RNF213: variants seen among roughly 807,000 people sequenced by gnomAD.
The protein encoded by RNF213 is ring finger protein 213.
A neutral mutation model predicts 514.4 loss-of-function variants in RNF213; 341 were observed. The observed-to-expected ratio is 0.66, with a 90% CI of 0.61 to 0.73. RNF213 has a LOEUF of 0.73. Among genes scored for constraint, RNF213 ranks in the 30% least tolerant of loss-of-function variants. The probability of loss-of-function intolerance (pLI) is 0.00; values close to 1 mark genes in which losing one functional copy is unlikely to be tolerated. For missense variants in RNF213, 5,767 were observed against 6,615.6 expected (o/e 0.87, Z 4.45); for synonymous variants, 2,655 against 2,658.2 (o/e 1.00, Z 0.04).
At position 80,339,904 on chromosome 17, in the gene RNF213, C is replaced by T. The variant is rs1217747130; in HGVS notation, c.5537C>T (p.Ala1846Val). Residue 1846 changes from alanine (A) to valine (V), a missense_variant, in exon 26 of 68, where the codon GCT becomes GTT. Physicochemically the swap from Ala to Val is moderately conservative, Grantham distance 64 (BLOSUM62 0). Around this residue, in one of 13 missense-constraint regions of RNF213, gnomAD observed 1,377 missense variants for 1,635.2 expected, o/e 0.84. Transcript: ENST00000582970. Reference sequence around the variant, plus strand: ...TCCGAGGTGTTGCCAGCCGCCCTGGCTGTCTACATGCAAACCCCAAGCCAG... The same window carrying T: ...TCCGAGGTGTTGCCAGCCGCCCTGGTTGTCTACATGCAAACCCCAAGCCAG... ...GHSEVLPAAL[A>V]VYMQTPSQPL... is the part of the protein sequence containing the mutation. The T allele has an allele frequency of 6.5e-7, 1 of 1,536,990 alleles. No individual in the cohort carries two copies. Among genetic ancestry groups the T allele is most frequent in the East Asian group, 2.4e-5 (1 of 40,904 alleles).
intron 8 of RNF213, among the ~76,000 whole-genome samples, chr17:80,293,200 G>A (rs937602473): frequency 6.6e-6 from 1 of 151,956 alleles, no homozygotes. Flanking sequence ...TGGGCCTACA[G>A]GCGTGTGTCA....
Position 80,353,623 on chromosome 17 carries a change from C to T in RNF213, c.10535C>T (p.Ser3512Phe), listed in dbSNP as rs1324718209. 1.8e-5 allele frequency: 29 copies of T among 1,614,176 alleles called. No homozygotes were observed. The highest frequency in any genetic ancestry group is 2.5e-5 in the Non-Finnish European group (29 of 1,180,028). ...GAGGAGGCCATGGAAACAGAAAGTT[C>T]TGAGAAGGTGGGAAAGGAAACCTCT... ...VAEEAMETESSEKVGKETSEL... is the reference protein window; with the variant it reads ...VAEEAMETESFEKVGKETSEL... The change falls in exon 34 of 68, where the codon TCT (serine) becomes TTT (phenylalanine). Residue 3512 changes from serine to phenylalanine, a missense_variant. Physicochemically the swap from Ser to Phe is radical, Grantham distance 155 (BLOSUM62 -2). Around this residue, in one of 13 missense-constraint regions of RNF213, gnomAD observed 919 missense variants for 1,121.0 expected, o/e 0.82. Transcript: ENST00000582970. This position sits in a 1 kb window ranked among gnomAD's most constrained non-coding sequence, Gnocchi z 5.0.
At chr17:80,279,044 C>A in intron 3 of RNF213, 1 of 1,194,210 alleles carries the variant, frequency 8.4e-7, no homozygotes, top group Admixed American at 2.2e-5. Context: ...TGGGCGTTTT[C>A]GGGTCACCCT....
chr17:80,308,467 CCCTCCTAAGCCT>C, intron 13 of RNF213, among the ~76,000 whole-genome samples: 1 of 151,760 alleles, frequency 6.6e-6, no homozygotes, highest in East Asian at 1.9e-4. Flanking sequence ...CCTTCTGAGT[CCCTCCTAAGCCT>C]CCTCCTAAGT....
chr17:80,363,185 G>T lies in RNF213; in HGVS notation c.11439G>T (p.Trp3813Cys). 2 of 1,614,204 alleles carry T rather than the reference G, an allele frequency of 1.2e-6. No individual in the cohort carries two copies. The highest frequency in any genetic ancestry group is 1.7e-6 in the Non-Finnish European group (2 of 1,180,032). Reference sequence around the variant, plus strand: ...CCGAGGAAGAGGTTTCCTTACCGTGGGTGCACCTTGCCTACCAGCGTTTCA... The same window carrying T: ...CCGAGGAAGAGGTTTCCTTACCGTGTGTGCACCTTGCCTACCAGCGTTTCA... ...EAPEEEVSLP[W>C]VHLAYQRFRS... The change falls in exon 40 of 68, where the codon TGG becomes TGT. Residue 3813 changes from tryptophan (W) to cysteine (C), a missense_variant. This residue lies in a region of RNF213 where 355 missense variants were observed against 358.0 expected (regional missense o/e 0.99). Coordinates refer to ENST00000582970, the MANE Select transcript of RNF213 (RefSeq NM_001256071.3).
intron 63 of RNF213, among the ~76,000 whole-genome samples, chr17:80,387,104 C>T (rs2080268550): frequency 6.6e-6 from 1 of 152,246 alleles, no homozygotes; most frequent in African/African-American, 2.4e-5. Context: ...CCATCTGCAC[C>T]TCAGTCCCCC....
chr17:80,334,406 A>G (rs2077924667), intron 22 of RNF213, 136 bp downstream of exon 22: 1 of 919,760 alleles, frequency 1.1e-6, no homozygotes, highest in East Asian at 2.6e-5. Flanking sequence ...CGTTGCCTGC[A>G]TGCTTTAGGG....
chr17:80,281,504 CACACACACCCCA>C (rs2044283882), intron 3 of RNF213, among the ~76,000 whole-genome samples: 1 of 144,662 alleles, frequency 6.9e-6, no homozygotes, highest in African/African-American at 2.6e-5. Context: ...ACCCCACTCA[CACACACACCCCA>C]ACACACACAT....
intron 3 of RNF213, among the ~76,000 whole-genome samples, chr17:80,281,525 ATG>A (rs1322512243): frequency 2.9e-4 from 23 of 78,920 alleles, no homozygotes; most frequent in East Asian, 9.3e-4. Context: ...CAACACACAC[ATG>A]CCCCACTCAT....
rs373341808 is a variant in RNF213 at position 80,272,892 on chromosome 17, G to T, written c.98-349G>T. Among the ~76,000 whole-genome samples, 42 of 152,272 alleles carry T rather than the reference G, an allele frequency of 2.8e-4. 3 individuals are homozygous for T. The highest frequency in any genetic ancestry group is 9.4e-4 in the African/African-American group (39 of 41,550). On this transcript the variant is annotated intron_variant, in intron 2 of 67. Coordinates refer to ENST00000582970, the MANE Select transcript of RNF213 (RefSeq NM_001256071.3). ...AGACAGGAGGAATGTCTACAGTAGGGGAGGAAAGCGTAACAGGCTCTGTTT... is the reference window on the plus strand; with the variant it reads ...AGACAGGAGGAATGTCTACAGTAGGTGAGGAAAGCGTAACAGGCTCTGTTT...
At chr17:80,352,894 C>T (rs774702371) in intron 32 of RNF213, 46 bp from the exon 33 acceptor site, 3 of 1,613,354 alleles carry the variant, frequency 1.9e-6, no homozygotes, top group Admixed American at 3.3e-5. Context: ...TGAGCAGCAG[C>T]CGGGAAAGAC....
chr17:80,306,371 T>C lies in RNF213; in HGVS notation c.2330T>C (p.Phe777Ser), dbSNP rs745504131. Residue 777 changes from phenylalanine to serine, a missense_variant, in exon 12 of 68, where the codon TTC (phenylalanine) becomes TCC (serine). Phe to Ser is a radical substitution (Grantham distance 155). Around this residue, in one of 13 missense-constraint regions of RNF213, gnomAD observed 592 missense variants for 673.9 expected, o/e 0.88. Transcript: ENST00000582970. ...LSHLVMYMEN[F>S]IEHLGRFPAH... ...CACCTGGTTATGTATATGGAAAACT[T>C]CATTGAGCACCTGGGTCGTTTTCCT... 7 of 1,614,152 alleles carry C rather than the reference T, an allele frequency of 4.3e-6. No homozygotes were observed. The Admixed American group carries it at 1.2e-4, about 27-fold the overall frequency.
At chr17:80,361,926 G>A (rs752530621) in intron 39 of RNF213, 38 bp downstream of exon 39, 4 of 1,597,390 alleles carry the variant, frequency 2.5e-6, no homozygotes, top group Non-Finnish European at 3.4e-6. Context: ...CAGGTGTAGA[G>A]CTTGCATGAT....
intron 17 of RNF213, chr17:80,320,128 A>C: frequency 1.8e-6 from 1 of 563,790 alleles, no homozygotes; most frequent in Non-Finnish European, 2.3e-6. Flanking sequence ...TTAATGACAG[A>C]GCATTTTCAT....
intron 55 of RNF213, among the ~76,000 whole-genome samples, chr17:80,380,204 C>T (rs950697734): frequency 5.3e-5 from 8 of 152,172 alleles, no homozygotes; most frequent in Non-Finnish European, 1.0e-4. Flanking sequence ...GGTACAAATC[C>T]GATCCCACAA....
intron 30 of RNF213, 56 bp downstream of exon 30, chr17:80,349,962 CTTCTGCGTGGCGATGGTA>C: frequency 6.2e-7 from 1 of 1,606,740 alleles, no homozygotes. Context: ...AGCCGTGTGG[CTTCTGCGTGGCGATGGTA>C]CCCGCGCCGG....
rs1040961346 is a variant in RNF213, at chr17:80,385,421, G to A, written c.14456-117G>A. On this transcript the variant is annotated intron_variant, in intron 60 of 67. Coordinates refer to ENST00000582970, the MANE Select transcript of RNF213 (RefSeq NM_001256071.3). ...CTCCTTCAAACAGCACCTCAGACAT[G>A]CTTGTGACTGCACAAAGCAGGAAAG... 11 of 983,350 alleles carry A rather than the reference G, an allele frequency of 1.1e-5. No individual in the cohort carries two copies. The African/African-American group carries it at 1.6e-4, about 14-fold the overall frequency. 60.9% of individuals were successfully genotyped at this position (983,350 alleles called of 1,614,324 possible). A position where few individuals can be genotyped will look rare whatever the true frequency, so the allele number is the denominator to read the frequency against.
At position 80,386,738 on chromosome 17, in the gene RNF213, T is replaced by A; in HGVS notation, c.14769T>A (p.Tyr4923Ter). The change falls in exon 63 of 68, where the codon TAT becomes TAA. Residue 4923 changes from tyrosine (Y) to a stop codon, truncating the protein, a stop_gained. Coordinates refer to ENST00000582970, the MANE Select transcript of RNF213 (RefSeq NM_001256071.3). LOFTEE classifies it high-confidence loss of function. ...TCACTGAACTGCATGTCATCAGTTATGAAGTGGAGCGGGACCTGACTCCAC... is the reference window on the plus strand; with the variant it reads ...TCACTGAACTGCATGTCATCAGTTAAGAAGTGGAGCGGGACCTGACTCCAC... ...AEVTELHVIS[Y>*]EVERDLTPLI... is the part of the protein sequence containing the mutation. 1 of 1,614,234 alleles carries A rather than the reference T, an allele frequency of 6.2e-7. No homozygotes were observed. Among genetic ancestry groups the A allele is most frequent in the African/African-American group, 1.3e-5 (1 of 75,062 alleles).
In RNF213 at chr17:80,347,430, G is replaced by A; in HGVS notation, c.9095G>A (p.Gly3032Glu). The change falls in exon 29 of 68, where the codon GGA (glycine) becomes GAA (glutamate). Residue 3032 changes from glycine (G) to glutamate (E), a missense_variant. Physicochemically the swap from Gly to Glu is moderately conservative, Grantham distance 98. This residue lies in a region of RNF213 where 919 missense variants were observed against 1,121.0 expected (regional missense o/e 0.82). Coordinates refer to ENST00000582970, the MANE Select transcript of RNF213 (RefSeq NM_001256071.3). The surrounding 1 kb of genome is among the most constrained non-coding windows in gnomAD (Gnocchi z 7.2). ...IFGPSQKVPGGEQEDAESRYL... is the reference protein window; with the variant it reads ...IFGPSQKVPGEEQEDAESRYL... ...GGGCCTTCTCAGAAGGTGCCGGGTGGAGAGCAGGAAGATGCTGAGTCCCGC... is the reference window on the plus strand; with the variant it reads ...GGGCCTTCTCAGAAGGTGCCGGGTGAAGAGCAGGAAGATGCTGAGTCCCGC... 1 of 1,614,028 alleles carries A rather than the reference G, an allele frequency of 6.2e-7. No homozygotes were observed. Among genetic ancestry groups the A allele is most frequent in the African/African-American group, 1.3e-5 (1 of 75,042 alleles).
Sources: allele counts gnomAD v4.1 joint callset (sites outside exome capture counted in the v4.1 genomes callset), GRCh38; gene constraint gnomAD v4.1.1; regional missense constraint gnomAD v4.1.1; non-coding constraint Gnocchi (gnomAD v3.1); transcripts MANE v1.5; gene names NCBI Gene and HGNC (gene_info 2026-07-23, HGNC 2026-07-21).